TRAF3: variants seen among roughly 807,000 people sequenced by gnomAD.
The protein encoded by TRAF3 is TNF receptor-associated factor 3.
TRAF3 carries 13 observed loss-of-function variants against 62.3 expected under a neutral mutation model. The observed-to-expected ratio is 0.21, with a 90% confidence interval of 0.14 to 0.33. The LOEUF is 0.33. TRAF3 is among the 10% of genes least tolerant of loss of function. The pLI is 1.00. For synonymous variants in TRAF3, 269 were observed against 283.4 expected (o/e 0.95, Z 0.51); for missense variants, 440 against 741.8 (o/e 0.59, Z 4.73).
At chr14:102,812,792 G>T (rs550614115) in intron 1 of TRAF3, among the ~76,000 whole-genome samples, 1 of 150,572 alleles carries the variant, frequency 6.6e-6, no homozygotes, top group African/African-American at 2.5e-5. Context: ...GGTGGCGGGC[G>T]CCTGTAATCC....
intron 1 of TRAF3, among the ~76,000 whole-genome samples, chr14:102,810,216 C>CAAGAT (rs2081503557): frequency 6.6e-6 from 1 of 152,118 alleles, no homozygotes; most frequent in Non-Finnish European, 1.5e-5. Context: ...AGGAGTTTTA[C>CAAGAT]AAGATAAAGA....
intron 2 of TRAF3, among the ~76,000 whole-genome samples, chr14:102,835,122 T>TG (rs1314624453): frequency 6.6e-6 from 1 of 150,962 alleles, no homozygotes; most frequent in Non-Finnish European, 1.5e-5. Flanking sequence ...CCAAAGAAGA[T>TG]GCACATGCAG....
Position 102,839,049 on chromosome 14 carries a change from C to T in TRAF3, c.-18+8577C>T, listed in dbSNP as rs376651420. The stretch of plus-strand genomic sequence containing the variant: ...TGTGGAAATCGGCTCATGGTAGAAG[C>T]TTTCCCTGTCATATGGATGAGTCCT... On this transcript the variant is annotated intron_variant, in intron 2 of 11. Transcript: ENST00000392745. Among the ~76,000 whole-genome samples, 7 of 152,164 alleles carry T rather than the reference C, an allele frequency of 4.6e-5. No individual in the cohort carries two copies. In the East Asian group the frequency reaches 9.7e-4, roughly 21 times the overall value.
chr14:102,783,236 C>A (rs1474089960), intron 1 of TRAF3, among the ~76,000 whole-genome samples: 1 of 152,154 alleles, frequency 6.6e-6, no homozygotes, highest in East Asian at 1.9e-4. Context: ...GTAGCTGCCT[C>A]CTTTAACGGT....
intron 1 of TRAF3, among the ~76,000 whole-genome samples, chr14:102,795,837 C>T: frequency 6.6e-6 from 1 of 152,104 alleles, no homozygotes; most frequent in East Asian, 1.9e-4. Flanking sequence ...AACAGACAGG[C>T]CTTGCTGGGT....
At chr14:102,839,477 C>T (rs1057438633) in intron 2 of TRAF3, among the ~76,000 whole-genome samples, 8 of 152,126 alleles carry the variant, frequency 5.3e-5, no homozygotes, top group Non-Finnish European at 1.0e-4. Flanking sequence ...ATCTTGGCCT[C>T]CCAAAGTGCT....
chr14:102,849,291 C>T (rs148575822), intron 2 of TRAF3, among the ~76,000 whole-genome samples: 146 of 152,314 alleles, frequency 9.6e-4, no homozygotes, highest in Non-Finnish European at 1.7e-3. Flanking sequence ...ATGTGGCAGG[C>T]GTGACCTAGG....
chr14:102,821,250 A>G (rs1244795289), intron 1 of TRAF3, among the ~76,000 whole-genome samples: 3 of 152,218 alleles, frequency 2.0e-5, no homozygotes, highest in Non-Finnish European at 2.9e-5. Context: ...ATGATTCAAG[A>G]TTTAATGAGC....
In TRAF3 at chr14:102,903,448, C is replaced by A. The variant is rs376395056; in HGVS notation, c.1135+19C>A. 6.2e-7 allele frequency: 1 copy of A among 1,612,888 alleles called. No homozygotes were observed. The highest frequency in any genetic ancestry group is 1.3e-5 in the African/African-American group (1 of 74,906). ...AACACAGGTGAGGCAGGGGCCGGGG[C>A]CGGGCCAGCAGTGTGCATCTGGGCC... On this transcript the variant is annotated intron_variant, in intron 11 of 11. Coordinates refer to ENST00000392745, the MANE Select transcript of TRAF3 (RefSeq NM_145725.3). The surrounding 1 kb of genome is among the most constrained non-coding windows in gnomAD (Gnocchi z 6.4).
At chr14:102,863,924 C>T (rs184048592) in intron 2 of TRAF3, among the ~76,000 whole-genome samples, 1 of 152,152 alleles carries the variant, frequency 6.6e-6, no homozygotes, top group African/African-American at 2.4e-5. Flanking sequence ...GCCCATTCTG[C>T]TCCCTCTGGG....
intron 2 of TRAF3, among the ~76,000 whole-genome samples, chr14:102,863,126 C>G (rs1887777519): frequency 1.3e-5 from 2 of 152,108 alleles, no homozygotes; most frequent in South Asian, 4.1e-4. Context: ...TAAACAATTT[C>G]TGTTAGTTGC....
chr14:102,887,323 C>G (rs929360613), intron 7 of TRAF3, among the ~76,000 whole-genome samples: 1 of 152,200 alleles, frequency 6.6e-6, no homozygotes, highest in African/African-American at 2.4e-5. Context: ...ACAGGGAGAA[C>G]CAGCCTCGCA....
intron 2 of TRAF3, 75 bp from the exon 3 acceptor site, chr14:102,870,109 CT>C: frequency 6.2e-7 from 1 of 1,602,522 alleles, no homozygotes; most frequent in Non-Finnish European, 8.5e-7. Flanking sequence ...GTCTCAGGCA[CT>C]TTTGCTTTCC....
At chr14:102,778,189 C>T (rs559006558) in intron 1 of TRAF3, among the ~76,000 whole-genome samples, 1 of 151,228 alleles carries the variant, frequency 6.6e-6, no homozygotes, top group Non-Finnish European at 1.5e-5. Flanking sequence ...GCGGGCGGCG[C>T]GGGGGTCCGG....
chr14:102,834,687 CAAAA>C (rs35056615), intron 2 of TRAF3, among the ~76,000 whole-genome samples: 1 of 54,272 alleles, frequency 1.8e-5, no homozygotes, highest in South Asian at 6.8e-4. Flanking sequence ...GACTCCGTCT[CAAAA>C]AAAAAAAAAA....
intron 9 of TRAF3, among the ~76,000 whole-genome samples, chr14:102,891,708 GT>G (rs913274950): frequency 1.4e-4 from 20 of 148,028 alleles, no homozygotes; most frequent in African/African-American, 2.5e-4. Flanking sequence ...CCACCCTGCT[GT>G]TTTTTTTTTG....
At chr14:102,889,799 C>T (rs1447990855) in intron 8 of TRAF3, among the ~76,000 whole-genome samples, 165 bp downstream of exon 8, 1 of 152,206 alleles carries the variant, frequency 6.6e-6, no homozygotes, top group Non-Finnish European at 1.5e-5. Flanking sequence ...AGGTGGGATG[C>T]TCGCTTTCCA....
intron 1 of TRAF3, among the ~76,000 whole-genome samples, chr14:102,792,417 A>G (rs1377445194): frequency 7.0e-6 from 1 of 142,946 alleles, no homozygotes; most frequent in African/African-American, 2.6e-5. Context: ...GTGCACCAAT[A>G]TGCCCAGTTA....
In TRAF3 at chr14:102,897,393, C is replaced by T; in HGVS notation, c.952C>T (p.His318Tyr). 1 of 1,613,766 alleles carries T rather than the reference C, an allele frequency of 6.2e-7. No individual in the cohort carries two copies. The highest frequency in any genetic ancestry group is 8.5e-7 in the Non-Finnish European group (1 of 1,179,852). ...TCGAAATAATGAATCCAAAATCCTT[C>T]ATTTACAGGTAAGAATCTTAGGACT... ...MLRNNESKIL[H>Y]LQRVIDSQAE... Residue 318 changes from histidine to tyrosine, a missense_variant, in exon 10 of 12, where the codon CAT (histidine) becomes TAT (tyrosine). This residue lies in a region of TRAF3 where 255 missense variants were observed against 424.1 expected (regional missense o/e 0.60). Transcript: ENST00000392745.
Sources: allele counts gnomAD v4.1 joint callset (sites outside exome capture counted in the v4.1 genomes callset), GRCh38; gene constraint gnomAD v4.1.1; regional missense constraint gnomAD v4.1.1; non-coding constraint Gnocchi (gnomAD v3.1); transcripts MANE v1.5; gene names NCBI Gene and HGNC (gene_info 2026-07-23, HGNC 2026-07-21).